The following AQR variants were observed in gnomAD, a reference collection of about 807,000 sequenced individuals.
AQR encodes the protein RNA helicase aquarius.
A neutral mutation model predicts 180.5 loss-of-function variants in AQR; 61 were observed. The ratio of observed to expected loss-of-function variants is 0.34; its 90% CI spans 0.28 to 0.42. The LOEUF (loss-of-function observed/expected upper bound fraction) is 0.42. AQR is among the 10% of genes least tolerant of loss of function. The pLI, the probability that AQR is intolerant of heterozygous loss-of-function variation, is 1.00. For synonymous variants in AQR, 551 were observed against 588.8 expected (o/e 0.94, Z 0.93); for missense variants, 1,281 against 1,798.3 (o/e 0.71, Z 5.20).
chr15:34,964,509 G>A (rs1029450061), intron 1 of AQR: 2 of 641,290 alleles, frequency 3.1e-6, no homozygotes, highest in African/African-American at 3.6e-5. Flanking sequence ...ATGCCATTGT[G>A]ATATAAACAA....
Position 34,856,818 on chromosome 15 carries a change from T to A in AQR, c.4432A>T (p.Thr1478Ser), listed in dbSNP as rs1412941120. Residue 1478 changes from threonine to serine, a missense_variant, in exon 35 of 35, where the codon ACA (threonine) becomes TCA (serine). Physicochemically the swap from Thr to Ser is moderately conservative, Grantham distance 58 (BLOSUM62 1). This residue lies in a region of AQR where 182 missense variants were observed against 185.3 expected (regional missense o/e 0.98). Transcript: ENST00000156471. The part of the protein sequence containing the change: ...PAEANTPQDA[T>S]SAPEETK ...TACTTGGTCTCTTCCGGGGCAGATG[T>A]GGCATCCTGAGGTGTGTTAGCTTCT... 3 of 1,575,834 alleles carry A rather than the reference T, an allele frequency of 1.9e-6. No homozygotes were observed. Among genetic ancestry groups the A allele is most frequent in the Non-Finnish European group, 2.6e-6 (3 of 1,161,080 alleles).
intron 27 of AQR, among the ~76,000 whole-genome samples, chr15:34,879,459 T>C (rs1892937026): frequency 6.6e-6 from 1 of 152,180 alleles, no homozygotes; most frequent in African/African-American, 2.4e-5. Context: ...GCTTGAAGAT[T>C]TTCCAGACCC....
intron 5 of AQR, among the ~76,000 whole-genome samples, chr15:34,946,369 C>A (rs1221101327): frequency 6.6e-6 from 1 of 152,148 alleles, no homozygotes; most frequent in Non-Finnish European, 1.5e-5. Flanking sequence ...AATATAAACT[C>A]CCTCTTGAGG....
At chr15:34,877,963 G>T (rs552639893) in intron 27 of AQR, among the ~76,000 whole-genome samples, 1 of 152,166 alleles carries the variant, frequency 6.6e-6, no homozygotes, top group African/African-American at 2.4e-5. Context: ...ATAGGGTCAG[G>T]GTGGTGTAGG....
chr15:34,928,354 C>A (rs1893796391), intron 12 of AQR, among the ~76,000 whole-genome samples: 1 of 152,118 alleles, frequency 6.6e-6, no homozygotes, highest in Admixed American at 6.5e-5. Context: ...CCTCAACTCC[C>A]ATCCCCGACA....
intron 17 of AQR, among the ~76,000 whole-genome samples, chr15:34,906,957 A>G (rs1893428205): frequency 6.6e-6 from 1 of 151,858 alleles, no homozygotes; most frequent in Admixed American, 6.6e-5. Flanking sequence ...CATGCCATGA[A>G]TATATTACTG....
chr15:34,960,962 A>T (rs2050272731), intron 2 of AQR, 148 bp from the exon 3 acceptor site: 2 of 380,364 alleles, frequency 5.3e-6, no homozygotes, highest in Non-Finnish European at 9.4e-6. Context: ...GATATTTAAA[A>T]TAATCCCATT....
chr15:34,954,800 A>G (rs1894282197), intron 3 of AQR, among the ~76,000 whole-genome samples: 1 of 152,182 alleles, frequency 6.6e-6, no homozygotes, highest in South Asian at 2.1e-4. Flanking sequence ...AGGTCTATGA[A>G]CTAGACACCA....
chr15:34,947,939 A>G (rs1335991716), intron 5 of AQR, among the ~76,000 whole-genome samples: 1 of 152,164 alleles, frequency 6.6e-6, no homozygotes, highest in South Asian at 2.1e-4. Context: ...CACTCAGCCT[A>G]TTTGTACTTA....
chr15:34,857,143 T>C (rs1276231696), intron 34 of AQR, 37 bp from the exon 35 acceptor site: 6 of 1,505,138 alleles, frequency 4.0e-6, no homozygotes, highest in Non-Finnish European at 4.4e-6. Flanking sequence ...AATACCAATA[T>C]GAAAAACAGC....
In AQR at chr15:34,896,942, T is replaced by C; in HGVS notation, c.2415A>G (p.Thr805=). 6.2e-7 allele frequency: 1 copy of C among 1,613,466 alleles called. No individual in the cohort carries two copies. The highest frequency in any genetic ancestry group is 1.1e-5 in the South Asian group (1 of 91,066). ...TTCCAGCACGGATGGCTTCTATCTG[T>C]GTATGAGTGAACTGAATCGTATTAC... ...PKRNTIQFTH[T]QIEAIRAGMQ... Residue 805 remains threonine (T), a synonymous_variant, in exon 22 of 35, where the codon ACA becomes ACG. Coordinates refer to ENST00000156471, the MANE Select transcript of AQR (RefSeq NM_014691.3).
At chr15:34,884,781 T>C (rs1036595847) in intron 25 of AQR, 47 bp from the exon 26 acceptor site, 2 of 1,386,352 alleles carry the variant, frequency 1.4e-6, no homozygotes, top group African/African-American at 1.5e-5. Flanking sequence ...ATTATGATGT[T>C]TTAAAGCATA....
In AQR at chr15:34,944,416, T is replaced by G. The variant is rs1208504154; in HGVS notation, c.343A>C (p.Lys115Gln). 5 of 1,593,050 alleles carry G rather than the reference T, an allele frequency of 3.1e-6. No homozygotes were observed. The South Asian group carries it at 5.8e-5, about 18-fold the overall frequency. Reference protein sequence around the residue: ...NVPAWEIFKKKPDHFPFFFKH... With the variant: ...NVPAWEIFKKQPDHFPFFFKH... ...AAAAAGAATGGGAAGTGGTCTGGCT[T>G]CTTCTTAAAAATCTGAAAAGAAACA... Residue 115 changes from lysine (K) to glutamine (Q), a missense_variant, in exon 6 of 35, where the codon AAG becomes CAG. By Grantham distance (53) the Lys-to-Gln change is moderately conservative. Around this residue, in one of 9 missense-constraint regions of AQR, gnomAD observed 404 missense variants for 490.9 expected, o/e 0.82. Transcript: ENST00000156471.
chr15:34,963,864 C>T (rs1381694836), intron 2 of AQR, among the ~76,000 whole-genome samples: 3 of 59,430 alleles, frequency 5.0e-5, no homozygotes, highest in East Asian at 7.1e-4. Context: ...GGGGTTTCAC[C>T]GTGTTGGTCA....
At chr15:34,897,730 T>C in intron 20 of AQR, 25 bp from the exon 21 acceptor site, 2 of 1,612,544 alleles carry the variant, frequency 1.2e-6, no homozygotes, top group South Asian at 2.2e-5. Flanking sequence ...CTTCTGTTCA[T>C]TTTTGCAATT....
chr15:34,906,374 T>C (rs961286781), intron 18 of AQR, 171 bp downstream of exon 18: 45 of 635,972 alleles, frequency 7.1e-5, no homozygotes, highest in Non-Finnish European at 1.0e-4. Flanking sequence ...CCATGTTACC[T>C]ATATCTAAAA....
intron 3 of AQR, 122 bp downstream of exon 3, chr15:34,960,652 T>C (rs141534725): frequency 3.1e-4 from 156 of 510,236 alleles, no homozygotes; most frequent in African/African-American, 2.5e-3. Flanking sequence ...CTAGTCACCA[T>C]TGCCCTGACG....
intron 27 of AQR, 24 bp downstream of exon 27, chr15:34,882,478 A>AC (rs777562464): frequency 1.4e-5 from 20 of 1,458,124 alleles, no homozygotes; most frequent in East Asian, 2.5e-5. Context: ...AAAAAAAAAA[A>AC]AAAAAACTAC....
At chr15:34,883,323 C>T (rs1308286883) in intron 26 of AQR, among the ~76,000 whole-genome samples, 1 of 151,884 alleles carries the variant, frequency 6.6e-6, no homozygotes, top group Non-Finnish European at 1.5e-5. Context: ...GCAGAGGATC[C>T]CCAACAGAGC....
Sources: allele counts gnomAD v4.1 joint callset (sites outside exome capture counted in the v4.1 genomes callset), GRCh38; gene constraint gnomAD v4.1.1; regional missense constraint gnomAD v4.1.1; transcripts MANE v1.5; gene names NCBI Gene and HGNC (gene_info 2026-07-23, HGNC 2026-07-21).